Variants in RANBP17 observed in about 807,000 individuals in gnomAD.
The protein encoded by RANBP17 is ran-binding protein 17.
In RANBP17, 158 loss-of-function variants were observed where a neutral mutation model predicts 141.2. The ratio of observed to expected loss-of-function variants is 1.12; its 90% CI spans 0.98 to 1.28. The LOEUF (loss-of-function observed/expected upper bound fraction) is 1.28. RANBP17 is among the 50% of genes most tolerant of loss of function. The pLI is 0.00. For missense variants in RANBP17, 1,438 were observed against 1,290.7 expected, an observed-to-expected ratio of 1.11 and a Z score of -1.75; for synonymous variants, 430 against 450.0, an observed-to-expected ratio of 0.96 and a Z score of 0.56.
intron 3 of RANBP17, among the ~76,000 whole-genome samples, chr5:170,892,043 C>T (rs1769663808): frequency 6.6e-6 from 1 of 151,650 alleles, no homozygotes; most frequent in South Asian, 2.1e-4. Context: ...GAGCTATTAA[C>T]TTTTTGTCAC....
At chr5:170,911,547 G>A in intron 7 of RANBP17, 1 of 729,042 alleles carries the variant, frequency 1.4e-6, no homozygotes, top group Middle Eastern at 3.5e-4. Flanking sequence ...CTTGAAACTG[G>A]TCCTTAACTG....
intron 14 of RANBP17, among the ~76,000 whole-genome samples, chr5:170,996,093 C>T (rs541244903): frequency 6.6e-6 from 1 of 152,156 alleles, no homozygotes; most frequent in African/African-American, 2.4e-5. Context: ...AGTTACCCTC[C>T]ATAGCCCCTC....
Position 171,022,714 on chromosome 5 carries a change from G to A in RANBP17, c.1710+54337G>A, listed in dbSNP as rs73319693. ...CCTTCTCCTGCCCAGGGAACTTAGC[G>A]TGTTAGGCAGTTGTGAGTCCCAGTG... On this transcript the variant is annotated intron_variant, in intron 14 of 27. Transcript: ENST00000523189. 8.0e-3 allele frequency among the ~76,000 whole-genome samples: 1,211 copies of A among 152,312 alleles called. 14 individuals carry two copies. The highest frequency in any genetic ancestry group is 0.023 in the African/African-American group (955 of 41,580).
intron 14 of RANBP17, among the ~76,000 whole-genome samples, chr5:170,992,424 G>A (rs1778567990): frequency 6.6e-6 from 1 of 151,880 alleles, no homozygotes; most frequent in African/African-American, 2.4e-5. Flanking sequence ...AATTTGAATA[G>A]GAAAGAGGAG....
intron 16 of RANBP17, among the ~76,000 whole-genome samples, chr5:171,178,656 A>G (rs545135969): frequency 3.3e-5 from 5 of 152,222 alleles, no homozygotes; most frequent in East Asian, 3.9e-4. Flanking sequence ...AGGCATTCCT[A>G]TTTCTCCACA....
intron 14 of RANBP17, among the ~76,000 whole-genome samples, chr5:171,022,245 A>G (rs1015415214): frequency 6.6e-6 from 1 of 152,152 alleles, no homozygotes; most frequent in Non-Finnish European, 1.5e-5. Context: ...GGTATCTGCC[A>G]ACCCCTGTTG....
intron 14 of RANBP17, among the ~76,000 whole-genome samples, chr5:171,127,052 T>C (rs968577624): frequency 1.3e-5 from 2 of 152,162 alleles, no homozygotes; most frequent in African/African-American, 2.4e-5. Flanking sequence ...GGCCAATATT[T>C]CTGATGAACA....
chr5:171,144,267 G>A (rs560231620), intron 14 of RANBP17, among the ~76,000 whole-genome samples: 1 of 152,176 alleles, frequency 6.6e-6, no homozygotes, highest in South Asian at 2.1e-4. Flanking sequence ...AGGCCGAGGT[G>A]AGGTAAGAGG....
intron 3 of RANBP17, among the ~76,000 whole-genome samples, chr5:170,883,014 A>T (rs375628670): frequency 6.6e-6 from 1 of 152,236 alleles, no homozygotes; most frequent in East Asian, 1.9e-4. Flanking sequence ...TATGTGATGG[A>T]TCTTTAAGTT....
At chr5:171,244,392 A>T (rs1765083200) in intron 24 of RANBP17, among the ~76,000 whole-genome samples, 1 of 152,018 alleles carries the variant, frequency 6.6e-6, no homozygotes, top group Non-Finnish European at 1.5e-5. Flanking sequence ...CAAAAAAAGG[A>T]ACTGTATTTG....
intron 14 of RANBP17, among the ~76,000 whole-genome samples, chr5:171,112,579 A>G: frequency 6.6e-6 from 1 of 152,028 alleles, no homozygotes; most frequent in East Asian, 1.9e-4. Flanking sequence ...CAGACTCATG[A>G]AAAAGGAAAC....
chr5:171,163,990 A>C (rs1454545992), intron 14 of RANBP17, among the ~76,000 whole-genome samples: 1 of 152,178 alleles, frequency 6.6e-6, no homozygotes, highest in Non-Finnish European at 1.5e-5. Context: ...CTGAAGATTC[A>C]TTATCCAAAA....
rs536372440 is a variant in RANBP17, at chr5:171,029,939, GAAA to G, written c.1710+61567_1710+61569del. Among the ~76,000 whole-genome samples, 552 of 151,900 alleles carry G rather than the reference GAAA, an allele frequency of 3.6e-3. 3 individuals carry two copies. Among genetic ancestry groups the G allele is most frequent in the African/African-American group, 0.012 (514 of 41,490 alleles). ...AATGACATTGTGTGCATTTGGTTGT[GAAA>G]AAAACAGAAGTAGTACTTTAATATA... On this transcript the variant is annotated intron_variant, in intron 14 of 27. Coordinates refer to ENST00000523189, the MANE Select transcript of RANBP17 (RefSeq NM_022897.5).
intron 14 of RANBP17, among the ~76,000 whole-genome samples, chr5:171,165,063 A>G (rs1227279984): frequency 1.3e-5 from 2 of 152,248 alleles, no homozygotes; most frequent in African/African-American, 4.8e-5. Context: ...CCTACTGTGC[A>G]GAAGGGTCAA....
intron 16 of RANBP17, among the ~76,000 whole-genome samples, chr5:171,174,876 G>A (rs116415959): frequency 0.065 from 9,771 of 151,448 alleles, 424 homozygotes; most frequent in East Asian, 0.12. Context: ...AGGTACACGC[G>A]TGCCATGGTG....
intron 20 of RANBP17, among the ~76,000 whole-genome samples, chr5:171,213,193 T>C (rs892918865): frequency 1.3e-5 from 2 of 152,180 alleles, no homozygotes; most frequent in Non-Finnish European, 1.5e-5. Flanking sequence ...TTTATTAATT[T>C]CATAATAAAA....
intron 24 of RANBP17, among the ~76,000 whole-genome samples, chr5:171,256,413 G>A (rs1412081637): frequency 6.6e-6 from 1 of 151,822 alleles, no homozygotes; most frequent in African/African-American, 2.4e-5. Flanking sequence ...GTTTATTTGT[G>A]GAAAAAAAGA....
intron 14 of RANBP17, among the ~76,000 whole-genome samples, chr5:171,011,786 T>G (rs1780053501): frequency 6.6e-6 from 1 of 151,960 alleles, no homozygotes; most frequent in Non-Finnish European, 1.5e-5. Flanking sequence ...GGAATATTAT[T>G]TAATACATAG....
At chr5:171,088,907 A>G (rs1785936597) in intron 14 of RANBP17, among the ~76,000 whole-genome samples, 1 of 151,938 alleles carries the variant, frequency 6.6e-6, no homozygotes, top group South Asian at 2.1e-4. Flanking sequence ...CTTTGGTTTG[A>G]ATGTCCTCCT....
Sources: allele counts gnomAD v4.1 joint callset (sites outside exome capture counted in the v4.1 genomes callset), GRCh38; gene constraint gnomAD v4.1.1; transcripts MANE v1.5; gene names NCBI Gene and HGNC (gene_info 2026-07-23, HGNC 2026-07-21).